The following DGLUCY variants were observed in gnomAD, a reference collection of about 807,000 sequenced individuals.
DGLUCY encodes the protein D-glutamate cyclase, mitochondrial.
Under a neutral mutation model 58.5 loss-of-function variants are expected in DGLUCY, and 58 were observed. That is an observed-to-expected ratio of 0.99 (90% CI 0.80 to 1.23). The LOEUF is 1.23. Among genes scored for constraint, DGLUCY ranks in the 50% most tolerant of loss-of-function variants. DGLUCY has a pLI of 0.00. For missense variants in DGLUCY, 779 were observed against 784.7 expected (o/e 0.99, Z 0.09); for synonymous variants, 325 against 314.1 (o/e 1.03, Z -0.37).
At position 91,215,442 on chromosome 14, in the gene DGLUCY, A is replaced by T; in HGVS notation, c.1602A>T (p.Ala534=). ...SNWGGYALAC[A]LYILYSCAVH... is the part of the protein sequence containing the mutation. ...GGGGAGGCTATGCCCTGGCCTGCGC[A>T]CTCTACATCCTGTACTCATGTGCTG... is the stretch of plus-strand genomic sequence containing the variant. The change falls in exon 13 of 14, where the codon GCA becomes GCT. Residue 534 remains alanine, a synonymous_variant. Transcript: ENST00000256324. 1 of 1,613,606 alleles carries T rather than the reference A, an allele frequency of 6.2e-7. No homozygotes were observed. The highest frequency in any genetic ancestry group is 8.5e-7 in the Non-Finnish European group (1 of 1,179,750).
At chr14:91,090,507 A>C (rs1444521038) in intron 1 of DGLUCY, among the ~76,000 whole-genome samples, 1 of 152,120 alleles carries the variant, frequency 6.6e-6, no homozygotes, top group Non-Finnish European at 1.5e-5. Flanking sequence ...AACAACAGGG[A>C]GTTCCTGAGG....
chr14:91,168,918 C>T (rs905360778), intron 4 of DGLUCY, among the ~76,000 whole-genome samples: 3 of 152,052 alleles, frequency 2.0e-5, no homozygotes, highest in Admixed American at 2.0e-4. Context: ...GAAACGCTGT[C>T]TCTACTAAAA....
At chr14:91,077,442 G>GGA (rs377673420) in intron 1 of DGLUCY, among the ~76,000 whole-genome samples, 5 of 146,882 alleles carry the variant, frequency 3.4e-5, no homozygotes, top group South Asian at 2.2e-4. Flanking sequence ...AAGGAAGGAA[G>GGA]AGAGAGAGAA....
intron 1 of DGLUCY, among the ~76,000 whole-genome samples, chr14:91,150,267 C>T (rs2047249887): frequency 6.7e-6 from 1 of 150,206 alleles, no homozygotes; most frequent in Non-Finnish European, 1.5e-5. Flanking sequence ...TGTGAAGCAC[C>T]CACACAAAAC....
chr14:91,140,768 A>T (rs899006854), intron 1 of DGLUCY, among the ~76,000 whole-genome samples: 10 of 152,216 alleles, frequency 6.6e-5, no homozygotes, highest in Non-Finnish European at 1.2e-4. Context: ...TAGCCAGCAG[A>T]TCTGCCATCT....
upstream of DGLUCY, among the ~76,000 whole-genome samples, chr14:91,113,020 G>T (rs927559413): frequency 4.1e-4 from 55 of 132,722 alleles, no homozygotes; most frequent in African/African-American, 1.4e-3. Context: ...AAAAAAAAAA[G>T]GCCAGGTGCG....
chr14:91,203,613 C>T (rs1343677439), intron 11 of DGLUCY, among the ~76,000 whole-genome samples: 1 of 151,994 alleles, frequency 6.6e-6, no homozygotes, highest in African/African-American at 2.4e-5. Flanking sequence ...GGAGCTGTGT[C>T]CCCCAGATCT....
chr14:91,204,870 G>A (rs775193103), intron 12 of DGLUCY, 45 bp downstream of exon 12: 6 of 1,611,886 alleles, frequency 3.7e-6, no homozygotes, highest in Middle Eastern at 1.7e-4. Flanking sequence ...TACCCAGGGT[G>A]AGCGACCTGG....
intron 1 of DGLUCY, among the ~76,000 whole-genome samples, chr14:91,100,603 A>G (rs116264614): frequency 3.9e-3 from 591 of 152,296 alleles, no homozygotes; most frequent in African/African-American, 0.013. Flanking sequence ...TGAGGCTGGA[A>G]TTCAAACTCC....
chr14:91,181,412 G>A (rs369033444), intron 8 of DGLUCY, 23 bp downstream of exon 8: 52 of 1,600,622 alleles, frequency 3.2e-5, no homozygotes, highest in Middle Eastern at 3.4e-4. Context: ...ACATTTGCTC[G>A]GCATAGACCC....
chr14:91,215,283 C>T, intron 12 of DGLUCY, 122 bp from the exon 13 acceptor site: 2 of 1,456,796 alleles, frequency 1.4e-6, no homozygotes, highest in Middle Eastern at 2.3e-4. Flanking sequence ...AGCAAGCTCC[C>T]AGATGATACT....
intron 7 of DGLUCY, among the ~76,000 whole-genome samples, chr14:91,179,886 CTTTTTTTTTTT>C (rs35580984): frequency 2.6e-5 from 2 of 75,984 alleles, no homozygotes; most frequent in Non-Finnish European, 4.7e-5. Flanking sequence ...ATGCTAAACA[CTTTTTTTTTTT>C]TTTTTTTTTT....
Position 91,067,096 on chromosome 14 carries a change from A to AG in DGLUCY, c.-82+6392_-82+6393insG, listed in dbSNP as rs1442416297. Among the ~76,000 whole-genome samples the AG allele has an allele frequency of 6.8e-3, 1,034 of 151,414 alleles. 8 individuals are homozygous for AG. The highest frequency in any genetic ancestry group is 0.024 in the Middle Eastern group (7 of 292). On this transcript the variant is annotated intron_variant, in intron 1 of 4. Transcript: ENST00000521334. ...ACTCCATCTCAAAAAAAAAAAAAAA[A>AG]AAAGAAAGAGTTATTTCATGTTGAG...
chr14:91,178,639 C>A (rs1014743212), intron 7 of DGLUCY, among the ~76,000 whole-genome samples: 3 of 152,200 alleles, frequency 2.0e-5, no homozygotes, highest in Non-Finnish European at 4.4e-5. Flanking sequence ...TTAAATTCAT[C>A]ATCAGATTCA....
intron 12 of DGLUCY, among the ~76,000 whole-genome samples, chr14:91,206,493 A>G (rs547024342): frequency 6.6e-6 from 1 of 151,638 alleles, no homozygotes; most frequent in Non-Finnish European, 1.5e-5. Flanking sequence ...AACTATTCTT[A>G]TGCCTCAGCC....
At chr14:91,102,739 GTGTA>G (rs895170210) in intron 1 of DGLUCY, among the ~76,000 whole-genome samples, 11 of 138,916 alleles carry the variant, frequency 7.9e-5, no homozygotes, top group African/African-American at 2.0e-4. Context: ...CCCTTCCAGT[GTGTA>G]TGTGTGTGTG....
intron 1 of DGLUCY, among the ~76,000 whole-genome samples, chr14:91,120,889 A>C (rs1011601032): frequency 8.5e-5 from 13 of 152,090 alleles, no homozygotes; most frequent in Non-Finnish European, 1.8e-4. Context: ...TCTCTGAGGG[A>C]TGTTCTTCTT....
intron 13 of DGLUCY, chr14:91,223,785 G>T: frequency 1.8e-6 from 2 of 1,115,578 alleles, no homozygotes; most frequent in South Asian, 2.7e-5. Flanking sequence ...ACCCTGCTAA[G>T]TGCTTTGCTT....
chr14:91,212,373 A>G lies in DGLUCY; in HGVS notation c.1565-3032A>G, dbSNP rs73332594. ...AAATTTTAAAATATTAGCTGGGCTTAGTGGCATCTCTGTGTCTGTTTCCCA... is the reference window on the plus strand; with the variant it reads ...AAATTTTAAAATATTAGCTGGGCTTGGTGGCATCTCTGTGTCTGTTTCCCA... On this transcript the variant is annotated intron_variant, in intron 12 of 13. Coordinates refer to ENST00000256324, the MANE Select transcript of DGLUCY (RefSeq NM_001102368.3). 7.9e-3 allele frequency among the ~76,000 whole-genome samples: 1,210 copies of G among 152,290 alleles called. 20 individuals are homozygous for G. The highest frequency in any genetic ancestry group is 0.028 in the African/African-American group (1,164 of 41,568).
Sources: gnomAD v4.1 joint callset for allele counts (sites outside exome capture counted in the v4.1 genomes callset) on GRCh38, gnomAD v4.1.1 for gene constraint, MANE v1.5 for transcripts, NCBI Gene and HGNC (gene_info 2026-07-23, HGNC 2026-07-21) for gene names.